The following C2CD2 variants were observed in gnomAD, a reference collection of about 807,000 sequenced individuals.
C2CD2 encodes C2 domain-containing protein 2.
A neutral mutation model predicts 74.3 loss-of-function variants in C2CD2; 43 were observed. That is an observed-to-expected ratio of 0.58 (90% CI 0.45 to 0.75). The LOEUF (loss-of-function observed/expected upper bound fraction) is 0.75, where lower values mean the gene tolerates loss of function less well. Ranked by LOEUF, C2CD2 falls within the 30% of genes least tolerant of loss-of-function variation. C2CD2 has a pLI of 0.00. For synonymous variants in C2CD2, 422 were observed against 390.7 expected (o/e 1.08, Z -0.94); for missense variants, 801 against 916.3 (o/e 0.87, Z 1.63).
chr21:41,906,910 A>G, intron 10 of C2CD2, 82 bp downstream of exon 10: 3 of 1,098,124 alleles, frequency 2.7e-6, no homozygotes, highest in Admixed American at 1.8e-5. Flanking sequence ...TGCAGGCTCC[A>G]GAACTCTGCA....
intron 3 of C2CD2, among the ~76,000 whole-genome samples, chr21:41,919,542 T>C (rs2065132844): frequency 6.6e-6 from 1 of 152,216 alleles, no homozygotes; most frequent in Non-Finnish European, 1.5e-5. Flanking sequence ...TTTGCATTTC[T>C]CCTTCTGGGA....
At position 41,953,810 on chromosome 21, in the gene C2CD2, G is replaced by A. The variant is rs2065471313; in HGVS notation, c.-162C>T. The A allele has an allele frequency of 1.8e-6, 1 of 560,266 alleles. No individual in the cohort carries two copies. The highest frequency in any genetic ancestry group is 9.0e-5 in the South Asian group (1 of 11,118). 34.7% of individuals were successfully genotyped at this position (560,266 alleles called of 1,614,324 possible). A position where few individuals can be genotyped will look rare whatever the true frequency, so the allele number is the denominator to read the frequency against. ...GAGCGTGGCCGGGGGCCTCTGGGCG[G>A]GCAAGCGGGGAGGAAACGCGCGGCG... On this transcript the variant is annotated 5_prime_UTR_variant, in exon 1 of 14. Coordinates refer to ENST00000380486, the MANE Select transcript of C2CD2 (RefSeq NM_015500.2).
intron 13 of C2CD2, among the ~76,000 whole-genome samples, chr21:41,890,721 G>A (rs1283461684): frequency 6.6e-6 from 1 of 152,224 alleles, no homozygotes; most frequent in Non-Finnish European, 1.5e-5. Flanking sequence ...TGTTGAGGAG[G>A]TTGAAGGAGG....
At chr21:41,890,224 A>G (rs1223104479) in intron 13 of C2CD2, among the ~76,000 whole-genome samples, 1 of 152,224 alleles carries the variant, frequency 6.6e-6, no homozygotes, top group Admixed American at 6.5e-5. Flanking sequence ...AGGCTATGCC[A>G]TCTGAAGTTT....
chr21:41,890,396 A>G (rs544238394), intron 13 of C2CD2, among the ~76,000 whole-genome samples: 1 of 152,358 alleles, frequency 6.6e-6, no homozygotes, highest in Admixed American at 6.5e-5. Flanking sequence ...AGCAGCAACA[A>G]TAATTTCAAC....
In C2CD2 at chr21:41,901,281, C is replaced by T. The variant is rs370505548; in HGVS notation, c.1560+341G>A. 35 of 349,866 alleles carry T rather than the reference C, an allele frequency of 1.0e-4. 1 individual carries two copies. The highest frequency in any genetic ancestry group is 3.9e-4 in the East Asian group (6 of 15,580). 21.7% of individuals were successfully genotyped at this position (349,866 alleles called of 1,614,324 possible). A position where few individuals can be genotyped will look rare whatever the true frequency, so the allele number is the denominator to read the frequency against. Reference sequence around the variant, plus strand: ...TGTCACGTGGAAAGTGAAAGTTCCCCGTGACTGGGTGGTGACGAGAGCAGA... The same window carrying T: ...TGTCACGTGGAAAGTGAAAGTTCCCTGTGACTGGGTGGTGACGAGAGCAGA... On this transcript the variant is annotated intron_variant, in intron 12 of 13. Coordinates refer to ENST00000380486, the MANE Select transcript of C2CD2 (RefSeq NM_015500.2).
Position 41,926,458 on chromosome 21 carries a change from CG to C in C2CD2, c.379-4374del. ...CCCTGGGCAGCAGATGGAAGCACCA[CG>C]GGGAGGGGAAAACAAGACTGAAGGC... On this transcript the variant is annotated intron_variant, in intron 2 of 13. Coordinates refer to ENST00000380486, the MANE Select transcript of C2CD2 (RefSeq NM_015500.2). The surrounding 1 kb of genome is among the most constrained non-coding windows in gnomAD (Gnocchi z 8.0). 2 of 950,824 alleles carry C rather than the reference CG, an allele frequency of 2.1e-6. No individual in the cohort carries two copies. The highest frequency in any genetic ancestry group is 1.8e-5 in the African/African-American group (1 of 56,320). 58.9% of individuals were successfully genotyped at this position (950,824 alleles called of 1,614,324 possible).
In C2CD2 at chr21:41,924,246, T is replaced by A. The variant is rs1020746176; in HGVS notation, c.379-2161A>T. 3.9e-5 allele frequency among the ~76,000 whole-genome samples: 6 copies of A among 152,180 alleles called. No individual in the cohort carries two copies. The highest frequency in any genetic ancestry group is 1.4e-4 in the African/African-American group (6 of 41,428). ...CTGGCTCCTGGCCGCAGCCAAGCCC[T>A]GGGTCCAGCTCTTCCCACCAGTGGC... On this transcript the variant is annotated intron_variant, in intron 2 of 13. Transcript: ENST00000380486. This position sits in a 1 kb window ranked among gnomAD's most constrained non-coding sequence, Gnocchi z 4.4.
Position 41,923,782 on chromosome 21 carries a change from C to T in C2CD2, c.379-1697G>A, listed in dbSNP as rs1356472276. ...CTAGTTTCTGCCACAGATTCCTCTACAGAAGCTGATGTAGAATGAGAGGTC... is the reference window on the plus strand; with the variant it reads ...CTAGTTTCTGCCACAGATTCCTCTATAGAAGCTGATGTAGAATGAGAGGTC... On this transcript the variant is annotated intron_variant, in intron 2 of 13. Transcript: ENST00000380486. The surrounding 1 kb of genome is among the most constrained non-coding windows in gnomAD (Gnocchi z 5.8). Among the ~76,000 whole-genome samples the T allele has an allele frequency of 6.6e-6, 1 of 152,150 alleles. No homozygotes were observed. Among genetic ancestry groups the T allele is most frequent in the African/African-American group, 2.4e-5 (1 of 41,440 alleles).
intron 12 of C2CD2, chr21:41,901,010 A>T (rs1386724829): frequency 2.6e-5 from 4 of 152,586 alleles, no homozygotes; most frequent in Non-Finnish European, 1.5e-5. Context: ...TAAAAATTTT[A>T]AAATCAATTT....
rs557940662 is a variant in C2CD2 at position 41,885,304 on chromosome 21, C to G, written c.*3820G>C. ...ACTCCAGCGTCAGGCCAAACCTTTC[C>G]GTGGACCTGGAAAACCTGCCACTTT... On this transcript the variant is annotated 3_prime_UTR_variant, in exon 14 of 14. Coordinates refer to ENST00000380486, the MANE Select transcript of C2CD2 (RefSeq NM_015500.2). 1 of 152,280 alleles carries G rather than the reference C, an allele frequency of 6.6e-6. No individual in the cohort carries two copies. The highest frequency in any genetic ancestry group is 1.5e-5 in the Non-Finnish European group (1 of 68,052). The allele number at this position is 152,280 out of a possible 1,614,324, so 9.4% of individuals were successfully genotyped here. A position where few individuals can be genotyped will look rare whatever the true frequency, so the allele number is the denominator to read the frequency against.
At chr21:41,910,890 G>A (rs2065018673) in intron 7 of C2CD2, among the ~76,000 whole-genome samples, 1 of 152,032 alleles carries the variant, frequency 6.6e-6, no homozygotes, top group Non-Finnish European at 1.5e-5. Context: ...TTCTTGCATA[G>A]TCCTGATACG....
chr21:41,921,513 T>A (rs532200681), intron 3 of C2CD2, among the ~76,000 whole-genome samples: 1 of 152,232 alleles, frequency 6.6e-6, no homozygotes, highest in Non-Finnish European at 1.5e-5. Context: ...ATGGTAATAC[T>A]AATTTTTTAA....
chr21:41,889,261 C>T lies in C2CD2; in HGVS notation c.1954G>A (p.Asp652Asn), dbSNP rs1391249933. 1 of 1,613,906 alleles carries T rather than the reference C, an allele frequency of 6.2e-7. No homozygotes were observed. Among genetic ancestry groups the T allele is most frequent in the Admixed American group, 1.7e-5 (1 of 60,006 alleles). The change falls in exon 14 of 14, where the codon GAC becomes AAC. Residue 652 changes from aspartate (D) to asparagine (N), a missense_variant. Coordinates refer to ENST00000380486, the MANE Select transcript of C2CD2 (RefSeq NM_015500.2). ...KDPGMSQSHN[D>N]LVFLEQPEGS... ...TCTGGCTGCTCCAGGAACACAAGGT[C>T]ATTGTGTGACTGACTCATGCCTGGG...
chr21:41,944,538 A>AGAAAAG (rs796768320), intron 1 of C2CD2, among the ~76,000 whole-genome samples: 1 of 130,708 alleles, frequency 7.7e-6, no homozygotes, highest in African/African-American at 3.3e-5. Flanking sequence ...AAAAAAAAAA[A>AGAAAAG]AAAAGAAAAG....
chr21:41,948,518 C>T (rs1037544525), intron 1 of C2CD2, among the ~76,000 whole-genome samples: 1 of 152,174 alleles, frequency 6.6e-6, no homozygotes. Context: ...AAAGGAATGA[C>T]CCGTGGGAAG....
intron 11 of C2CD2, among the ~76,000 whole-genome samples, chr21:41,904,231 A>C (rs572162418): frequency 6.6e-6 from 1 of 152,332 alleles, no homozygotes; most frequent in South Asian, 2.1e-4. Flanking sequence ...CACTCCCACC[A>C]GCACCATGAC....
Position 41,912,355 on chromosome 21 carries a change from G to A in C2CD2, c.930C>T (p.Leu310=), listed in dbSNP as rs984050057. 1 of 1,611,654 alleles carries A rather than the reference G, an allele frequency of 6.2e-7. No individual in the cohort carries two copies. The highest frequency in any genetic ancestry group is 8.5e-7 in the Non-Finnish European group (1 of 1,179,150). The change falls in exon 7 of 14, where the codon CTC becomes CTT. Residue 310 remains leucine (L), a synonymous_variant. Coordinates refer to ENST00000380486, the MANE Select transcript of C2CD2 (RefSeq NM_015500.2). ...ACAAGGTGAATTCCTCTTCCCACATGAGGTCCGGAGTGTTTTTCGTCAGGG... is the reference window on the plus strand; with the variant it reads ...ACAAGGTGAATTCCTCTTCCCACATAAGGTCCGGAGTGTTTTTCGTCAGGG... ...SSTLTKNTPD[L]MWEEEFTFEL...
intron 2 of C2CD2, 49 bp from the exon 3 acceptor site, chr21:41,922,134 A>G: frequency 2.8e-6 from 3 of 1,062,088 alleles, no homozygotes; most frequent in Non-Finnish European, 4.4e-6. Flanking sequence ...AACAAAGGAC[A>G]GCGCGTGCAT....
Sources: allele counts gnomAD v4.1 joint callset (sites outside exome capture counted in the v4.1 genomes callset), GRCh38; gene constraint gnomAD v4.1.1; non-coding constraint Gnocchi (gnomAD v3.1); transcripts MANE v1.5; gene names NCBI Gene and HGNC (gene_info 2026-07-23, HGNC 2026-07-21).